The following DPP10 variants were observed in gnomAD, a reference collection of about 807,000 sequenced individuals.
DPP10 encodes inactive dipeptidyl peptidase 10.
Under a neutral mutation model 120.9 loss-of-function variants are expected in DPP10, and 33 were observed. The observed-to-expected ratio is 0.27, with a 90% CI of 0.21 to 0.37. The LOEUF (loss-of-function observed/expected upper bound fraction) is 0.37, where lower values mean the gene tolerates loss of function less well. Ranked by LOEUF, DPP10 falls within the 10% of genes least tolerant of loss-of-function variation. The pLI is 1.00. For missense variants in DPP10, 816 were observed against 942.8 expected (o/e 0.87, Z 1.76); for synonymous variants, 337 against 326.1 (o/e 1.03, Z -0.36).
intron 2 of DPP10, among the ~76,000 whole-genome samples, chr2:115,322,063 C>T (rs548351431): frequency 1.3e-5 from 2 of 152,248 alleles, no homozygotes; most frequent in African/African-American, 4.8e-5. Flanking sequence ...TTTCTATTAA[C>T]ATCTGTGAAT....
intron 1 of DPP10, among the ~76,000 whole-genome samples, chr2:115,287,391 C>T (rs2060447202): frequency 6.6e-6 from 1 of 151,998 alleles, no homozygotes; most frequent in Non-Finnish European, 1.5e-5. Flanking sequence ...GTGCCCAACA[C>T]CAAAATAGTG....
At chr2:115,527,123 A>T (rs1417044103) in intron 5 of DPP10, among the ~76,000 whole-genome samples, 17 of 152,168 alleles carry the variant, frequency 1.1e-4, no homozygotes, top group Non-Finnish European at 8.8e-5. Context: ...CTTTTAAAAA[A>T]TCAGGTTTCA....
chr2:115,441,805 TTTTC>T (rs1393026944), intron 3 of DPP10, among the ~76,000 whole-genome samples: 2 of 149,126 alleles, frequency 1.3e-5, no homozygotes, highest in Non-Finnish European at 1.5e-5. Flanking sequence ...CAAGTTTCTT[TTTTC>T]TTTCTTTCTT....
chr2:115,534,379 C>G (rs867721710), intron 5 of DPP10, among the ~76,000 whole-genome samples: 3 of 151,014 alleles, frequency 2.0e-5, no homozygotes, highest in Middle Eastern at 3.2e-3. Flanking sequence ...TTTGTTCTTG[C>G]GATAGTTTAC....
At chr2:114,616,067 G>T (rs1304920825) in intron 1 of DPP10, among the ~76,000 whole-genome samples, 1 of 152,098 alleles carries the variant, frequency 6.6e-6, no homozygotes, top group East Asian at 1.9e-4. Flanking sequence ...AAAGTGAATT[G>T]CATTTATAAG....
intron 3 of DPP10, among the ~76,000 whole-genome samples, chr2:115,380,295 A>G (rs1176135852): frequency 1.3e-5 from 2 of 151,988 alleles, no homozygotes; most frequent in East Asian, 1.9e-4. Flanking sequence ...TGATCCCTTT[A>G]CCATTATTTA....
intron 1 of DPP10, among the ~76,000 whole-genome samples, chr2:114,956,186 A>C (rs1160134463): frequency 6.6e-6 from 1 of 152,164 alleles, no homozygotes; most frequent in Non-Finnish European, 1.5e-5. Flanking sequence ...ATTCCTATGC[A>C]TAAAAAACCC....
At chr2:115,099,790 A>G (rs759040043) in intron 1 of DPP10, among the ~76,000 whole-genome samples, 3 of 152,122 alleles carry the variant, frequency 2.0e-5, no homozygotes, top group Admixed American at 6.5e-5. Flanking sequence ...TTGTGCCTTT[A>G]CAAGGATCTT....
At chr2:115,543,723 C>T (rs868187009) in intron 5 of DPP10, among the ~76,000 whole-genome samples, 2 of 151,796 alleles carry the variant, frequency 1.3e-5, no homozygotes, top group African/African-American at 2.4e-5. Context: ...TATCTGACAT[C>T]GAAAAACACA....
At position 114,539,241 on chromosome 2, in the gene DPP10, ATATAT is replaced by A. The variant is rs577635160; in HGVS notation, c.60+96408_60+96412del. ...TAACTATTGATACAATATATTAAAA[ATATAT>A]TATAAACACATAATTACATATATAC... On this transcript the variant is annotated intron_variant, in intron 1 of 25. Coordinates refer to ENST00000410059, the MANE Select transcript of DPP10 (RefSeq NM_020868.6). Among the ~76,000 whole-genome samples, 149 of 149,372 alleles carry A rather than the reference ATATAT, an allele frequency of 1.0e-3. 1 individual carries two copies. Among genetic ancestry groups the A allele is most frequent in the South Asian group, 9.0e-3 (43 of 4,778 alleles).
At chr2:115,086,539 C>A (rs1240184274) in intron 1 of DPP10, among the ~76,000 whole-genome samples, 1 of 151,442 alleles carries the variant, frequency 6.6e-6, no homozygotes, top group Admixed American at 6.6e-5. Context: ...TCACTGCAAG[C>A]TCCGCCTTCC....
chr2:115,761,257 A>G (rs1680082726), intron 11 of DPP10, among the ~76,000 whole-genome samples: 1 of 152,174 alleles, frequency 6.6e-6, no homozygotes, highest in Non-Finnish European at 1.5e-5. Context: ...ATAAAAAATT[A>G]AAGTAAAAAT....
At chr2:114,936,026 G>T (rs1020560605) in intron 1 of DPP10, among the ~76,000 whole-genome samples, 6 of 151,882 alleles carry the variant, frequency 4.0e-5, no homozygotes, top group African/African-American at 1.2e-4. Context: ...GGGGGAACAG[G>T]TAGTGTTTGG....
At chr2:115,118,326 C>T (rs957003690) in intron 1 of DPP10, among the ~76,000 whole-genome samples, 9 of 152,192 alleles carry the variant, frequency 5.9e-5, no homozygotes, top group Admixed American at 2.6e-4. Flanking sequence ...CTATCACTAT[C>T]GACCACCAAA....
intron 1 of DPP10, among the ~76,000 whole-genome samples, chr2:114,531,016 A>C (rs970072975): frequency 6.6e-6 from 1 of 152,144 alleles, no homozygotes; most frequent in Non-Finnish European, 1.5e-5. Context: ...CTCTTCAATC[A>C]ATAATTTTGG....
chr2:115,483,421 A>T (rs990996274), intron 3 of DPP10, among the ~76,000 whole-genome samples: 2 of 150,506 alleles, frequency 1.3e-5, no homozygotes, highest in Non-Finnish European at 3.0e-5. Context: ...TCACTGCCTG[A>T]TATGTCTATC....
At chr2:115,325,526 T>C (rs1490254019) in intron 2 of DPP10, among the ~76,000 whole-genome samples, 2 of 152,136 alleles carry the variant, frequency 1.3e-5, no homozygotes, top group African/African-American at 4.8e-5. Flanking sequence ...TAGAACTTAG[T>C]GTAGTGTACT....
chr2:114,659,024 C>T (rs1020249623), intron 1 of DPP10, among the ~76,000 whole-genome samples: 1 of 152,092 alleles, frequency 6.6e-6, no homozygotes, highest in African/African-American at 2.4e-5. Flanking sequence ...ACATTTCCTC[C>T]TACACACTCT....
intron 3 of DPP10, among the ~76,000 whole-genome samples, chr2:115,365,818 A>G (rs997526991): frequency 6.6e-6 from 1 of 152,040 alleles, no homozygotes; most frequent in African/African-American, 2.4e-5. Context: ...CACAAGCATC[A>G]TTTCAAACCT....
Sources: gnomAD v4.1 joint callset for allele counts (sites outside exome capture counted in the v4.1 genomes callset) on GRCh38, gnomAD v4.1.1 for gene constraint, MANE v1.5 for transcripts, NCBI Gene and HGNC (gene_info 2026-07-23, HGNC 2026-07-21) for gene names.